The following CCNC variants were observed in gnomAD, a reference collection of about 807,000 sequenced individuals.
CCNC encodes the protein cyclin-C.
A neutral mutation model predicts 50.0 loss-of-function variants in CCNC; 19 were observed. That is an observed-to-expected ratio of 0.38 (90% CI 0.27 to 0.56). CCNC has a LOEUF of 0.56. Among genes scored for constraint, CCNC ranks in the 20% least tolerant of loss-of-function variants. The pLI, the probability that CCNC is intolerant of heterozygous loss-of-function variation, is 0.72. For synonymous variants in CCNC, 93 were observed against 103.7 expected (o/e 0.90, Z 0.63); for missense variants, 200 against 327.1 (o/e 0.61, Z 3.00).
At chr6:99,551,947 C>A in intron 5 of CCNC, 52 bp from the exon 6 acceptor site, 2 of 1,242,184 alleles carry the variant, frequency 1.6e-6, no homozygotes, top group East Asian at 2.8e-5. Context: ...AATAAATTAA[C>A]TCAAAATTCC....
At chr6:99,546,127 A>G (rs1455713190) in intron 10 of CCNC, among the ~76,000 whole-genome samples, 4 of 152,008 alleles carry the variant, frequency 2.6e-5, no homozygotes, top group Admixed American at 6.6e-5. Flanking sequence ...CACCACACCC[A>G]GCTAATTTTT....
In CCNC at chr6:99,543,476, G is replaced by T; in HGVS notation, c.*79C>A. On this transcript the variant is annotated 3_prime_UTR_variant, in exon 12 of 12. Coordinates refer to ENST00000520429, the MANE Select transcript of CCNC (RefSeq NM_005190.4). ...AGAAACAAGCTATTCATTTTCATTTGTGTTCCACTGAAGACATTACTGAAA... is the reference window on the plus strand; with the variant it reads ...AGAAACAAGCTATTCATTTTCATTTTTGTTCCACTGAAGACATTACTGAAA... 1 of 1,437,676 alleles carries T rather than the reference G, an allele frequency of 7.0e-7. No homozygotes were observed. The highest frequency in any genetic ancestry group is 9.7e-7 in the Non-Finnish European group (1 of 1,029,898). The allele number at this position is 1,437,676 out of a possible 1,614,324, so 89.1% of individuals were successfully genotyped here. A position where few individuals can be genotyped will look rare whatever the true frequency, so the allele number is the denominator to read the frequency against.
At chr6:99,551,490 G>A (rs1421713422) in intron 6 of CCNC, among the ~76,000 whole-genome samples, 1 of 152,090 alleles carries the variant, frequency 6.6e-6, no homozygotes, top group Admixed American at 6.5e-5. Flanking sequence ...TGTTCCATTA[G>A]TTTTTAATCC....
chr6:99,551,771 G>T, intron 6 of CCNC, 69 bp downstream of exon 6: 1 of 955,640 alleles, frequency 1.0e-6, no homozygotes, highest in Non-Finnish European at 1.5e-6. Flanking sequence ...ATTAAATTTA[G>T]TCTAATATAA....
rs758756123 is a variant in CCNC at position 99,551,917 on chromosome 6, T to A, written c.347-22A>T. The A allele has an allele frequency of 8.8e-5, 118 of 1,334,164 alleles. No homozygotes were observed. Among genetic ancestry groups the A allele is most frequent in the South Asian group, 1.8e-4 (12 of 66,974 alleles). 82.6% of individuals were successfully genotyped at this position (1,334,164 alleles called of 1,614,324 possible). A position where few individuals can be genotyped will look rare whatever the true frequency, so the allele number is the denominator to read the frequency against. ...TTTACTGCAGAAAATAAAAAAAAAA[T>A]TTAAACTGAGAAAATGGGAAATAAA... is the stretch of plus-strand genomic sequence containing the variant. On this transcript the variant is annotated intron_variant, in intron 5 of 11. Transcript: ENST00000520429.
chr6:99,563,565 A>G (rs952005221), intron 1 of CCNC, among the ~76,000 whole-genome samples: 1 of 152,204 alleles, frequency 6.6e-6, no homozygotes, highest in Non-Finnish European at 1.5e-5. Context: ...TCTTATGTCA[A>G]TGAACTTGTT....
chr6:99,561,801 C>A (rs1802792019), intron 2 of CCNC, 120 bp from the exon 3 acceptor site: 1 of 650,392 alleles, frequency 1.5e-6, no homozygotes, highest in Admixed American at 2.8e-5. Context: ...AAGGAAAAAA[C>A]CTACACATGC....
At chr6:99,555,525 A>G (rs566809287) in intron 5 of CCNC, among the ~76,000 whole-genome samples, 60 of 149,838 alleles carry the variant, frequency 4.0e-4, no homozygotes, top group African/African-American at 1.4e-3. Context: ...GCAGCCTTGA[A>G]CTCCTGGGCT....
intron 9 of CCNC, chr6:99,549,266 T>C: frequency 3.5e-6 from 2 of 575,432 alleles, no homozygotes; most frequent in Non-Finnish European, 6.1e-6. Flanking sequence ...CAGACACCGA[T>C]TAAAACTATT....
chr6:99,547,088 A>G (rs556268844), intron 9 of CCNC, among the ~76,000 whole-genome samples: 99 of 152,318 alleles, frequency 6.5e-4, no homozygotes, highest in African/African-American at 2.3e-3. Context: ...AACTAACAAA[A>G]GAGAGGAATC....
intron 11 of CCNC, among the ~76,000 whole-genome samples, chr6:99,544,875 T>C (rs1802014593): frequency 6.6e-6 from 1 of 152,134 alleles, no homozygotes; most frequent in Non-Finnish European, 1.5e-5. Flanking sequence ...TATGACCATA[T>C]GTTGAGAGAT....
chr6:99,545,203 T>A lies in CCNC; in HGVS notation c.706A>T (p.Lys236Ter). Residue 236 changes from lysine to a stop codon, truncating the protein, a stop_gained, in exon 11 of 12, where the codon AAA becomes TAA. Coordinates refer to ENST00000520429, the MANE Select transcript of CCNC (RefSeq NM_005190.4). LOFTEE classifies it high-confidence loss of function. ...KILEIIRVIL[K>*]LYEQWKNFDE... ...AAATTCTTCCACTGCTCATATAGTT[T>A]TAAAATAACCCTGATTATTTCCAAA... 1 of 1,595,830 alleles carries A rather than the reference T, an allele frequency of 6.3e-7. No individual in the cohort carries two copies. Among genetic ancestry groups the A allele is most frequent in the African/African-American group, 1.3e-5 (1 of 74,704 alleles).
Position 99,550,977 on chromosome 6 carries a change from CAGA to C in CCNC, c.438+13_438+15del, listed in dbSNP as rs1316278728. 2.6e-5 allele frequency: 26 copies of C among 1,008,556 alleles called. No homozygotes were observed. In the African/African-American group the frequency reaches 2.8e-4, roughly 11 times the overall value. The allele number at this position is 1,008,556 out of a possible 1,614,324, so 62.5% of individuals were successfully genotyped here. ...TAAAAATGTTTTAATCTATTAATCA[CAGA>C]AGATTTACTTACCATTAGTTCTAAC... On this transcript the variant is annotated intron_variant, in intron 7 of 11. Transcript: ENST00000520429.
Position 99,568,621 on chromosome 6 carries a change from A to T in CCNC, c.-94T>A. 6.4e-7 allele frequency: 1 copy of T among 1,562,168 alleles called. No homozygotes were observed. The highest frequency in any genetic ancestry group is 8.7e-7 in the Non-Finnish European group (1 of 1,155,222). ...GCCCGTCCGGTAACCGCGCTCCTCG[A>T]TCAAATCAGCTCGGCTCGACTCCGC... is the stretch of plus-strand genomic sequence containing the variant. On this transcript the variant is annotated 5_prime_UTR_variant, in exon 1 of 12. Coordinates refer to ENST00000520429, the MANE Select transcript of CCNC (RefSeq NM_005190.4).
chr6:99,549,688 T>G, intron 8 of CCNC, 113 bp from the exon 9 acceptor site: 1 of 668,302 alleles, frequency 1.5e-6, no homozygotes, highest in Non-Finnish European at 2.6e-6. Flanking sequence ...TTTCCTTTTA[T>G]ACTACTGAAG....
intron 10 of CCNC, among the ~76,000 whole-genome samples, chr6:99,545,444 T>C (rs530843673): frequency 2.0e-5 from 3 of 152,344 alleles, no homozygotes; most frequent in South Asian, 4.1e-4. Flanking sequence ...TCCATTCTTA[T>C]CTATCTCTGC....
intron 1 of CCNC, among the ~76,000 whole-genome samples, chr6:99,564,151 G>A (rs550291296): frequency 2.0e-5 from 3 of 152,178 alleles, no homozygotes; most frequent in East Asian, 1.9e-4. Context: ...CTGGCCGGGC[G>A]CGGTGGCTCA....
chr6:99,564,511 C>A (rs1769033818), intron 1 of CCNC, among the ~76,000 whole-genome samples: 1 of 149,852 alleles, frequency 6.7e-6, no homozygotes, highest in Admixed American at 6.7e-5. Context: ...GTCACTGTTT[C>A]TTTTCCCTGT....
intron 2 of CCNC, chr6:99,562,224 C>A (rs1802811245): frequency 6.6e-6 from 1 of 152,410 alleles, no homozygotes; most frequent in South Asian, 2.1e-4. Context: ...GGAATTTCAC[C>A]ATGTTGGCCA....
Sources: gnomAD v4.1 joint callset for allele counts (sites outside exome capture counted in the v4.1 genomes callset) on GRCh38, gnomAD v4.1.1 for gene constraint, MANE v1.5 for transcripts, NCBI Gene and HGNC (gene_info 2026-07-23, HGNC 2026-07-21) for gene names.